The following KIF17 variants were observed in gnomAD, a reference collection of about 807,000 sequenced individuals.
KIF17 encodes the protein kinesin family member 17.
A neutral mutation model predicts 96.8 loss-of-function variants in KIF17; 80 were observed. The observed-to-expected ratio is 0.83, with a 90% CI of 0.69 to 1.00. KIF17 has a LOEUF of 1.00. KIF17 is among the 50% of genes least tolerant of loss of function. The probability of loss-of-function intolerance (pLI) is 0.00; values close to 1 mark genes in which losing one functional copy is unlikely to be tolerated. For synonymous variants in KIF17, 567 were observed against 587.5 expected (o/e 0.97, Z 0.51); for missense variants, 1,280 against 1,372.9 (o/e 0.93, Z 1.07).
intron 11 of KIF17, among the ~76,000 whole-genome samples, chr1:20,676,857 A>G (rs902859088): frequency 3.9e-5 from 6 of 151,980 alleles, no homozygotes; most frequent in Admixed American, 3.9e-4. Context: ...ATAAACAACA[A>G]CAACAACAAC....
At chr1:20,673,797 T>C (rs1395030654) in intron 11 of KIF17, among the ~76,000 whole-genome samples, 1 of 152,002 alleles carries the variant, frequency 6.6e-6, no homozygotes, top group South Asian at 2.1e-4. Flanking sequence ...TCCCAAAGTG[T>C]TGGGATTACA....
chr1:20,698,826 A>C (rs1240679438), intron 5 of KIF17, among the ~76,000 whole-genome samples: 1 of 152,170 alleles, frequency 6.6e-6, no homozygotes, highest in Non-Finnish European at 1.5e-5. Context: ...GCCCTGCCTA[A>C]GCACCTCCCA....
intron 14 of KIF17, among the ~76,000 whole-genome samples, chr1:20,665,394 A>AT (rs33986427): frequency 0.11 from 8,836 of 80,860 alleles, 896 homozygotes; most frequent in Non-Finnish European, 0.13. Flanking sequence ...TACCCAGCTA[A>AT]TTTTTTTTTT....
At chr1:20,694,866 C>T (rs1410615989) in intron 6 of KIF17, among the ~76,000 whole-genome samples, 1 of 152,188 alleles carries the variant, frequency 6.6e-6, no homozygotes, top group Non-Finnish European at 1.5e-5. Flanking sequence ...AGCTGGCATC[C>T]CAGGGCCCAT....
chr1:20,663,726 C>G (rs907593130), downstream of KIF17, among the ~76,000 whole-genome samples: 4 of 152,220 alleles, frequency 2.6e-5, no homozygotes, highest in Admixed American at 6.5e-5. Context: ...CCCAGCACAG[C>G]CCCCAGGACT....
chr1:20,703,393 G>T (rs140472618), intron 5 of KIF17, among the ~76,000 whole-genome samples: 36 of 152,070 alleles, frequency 2.4e-4, no homozygotes, highest in African/African-American at 8.4e-4. Flanking sequence ...TGGATGGGTG[G>T]GTGGGTGGCT....
Position 20,682,897 on chromosome 1 carries a change from A to G in KIF17, c.2232-13T>C. The G allele has an allele frequency of 6.2e-7, 1 of 1,605,164 alleles. No homozygotes were observed. Among genetic ancestry groups the G allele is most frequent in the Non-Finnish European group, 8.5e-7 (1 of 1,177,474 alleles). ...CAACAGCTGCAGACTGCCGGCGTGG[A>G]GGAGAAAGCAAACAAGACAATATCT... On this transcript the variant is annotated splice_polypyrimidine_tract_variant and intron_variant, in intron 10 of 14. Coordinates refer to ENST00000400463, the MANE Select transcript of KIF17 (RefSeq NM_001122819.3).
rs1177002977 is a variant in KIF17 at position 20,682,392 on chromosome 1, T to C, written c.2463+261A>G. ...TTAATAAAGTAGCCAGGTGTGGTGGTGCACATCTGTAGTCTCAGCTACTCG... is the reference window on the plus strand; with the variant it reads ...TTAATAAAGTAGCCAGGTGTGGTGGCGCACATCTGTAGTCTCAGCTACTCG... On this transcript the variant is annotated intron_variant, in intron 11 of 14. Coordinates refer to ENST00000400463, the MANE Select transcript of KIF17 (RefSeq NM_001122819.3). 4.6e-5 allele frequency among the ~76,000 whole-genome samples: 7 copies of C among 152,160 alleles called. No homozygotes were observed. The East Asian group carries it at 1.3e-3, about 29-fold the overall frequency.
intron 5 of KIF17, among the ~76,000 whole-genome samples, chr1:20,703,157 A>ATGG (rs2054267572): frequency 7.3e-6 from 1 of 137,772 alleles, no homozygotes; most frequent in Non-Finnish European, 1.6e-5. Flanking sequence ...AGATAGAAGG[A>ATGG]AGGATGGAGA....
At chr1:20,715,029 G>A (rs751193021) in intron 2 of KIF17, among the ~76,000 whole-genome samples, 2 of 152,282 alleles carry the variant, frequency 1.3e-5, no homozygotes, top group South Asian at 2.1e-4. Context: ...CCTGGATGCC[G>A]GGATGAATTC....
In KIF17 at chr1:20,687,589, C is replaced by T. The variant is rs754641038; in HGVS notation, c.1737G>A (p.Glu579=). The T allele has an allele frequency of 1.2e-6, 2 of 1,614,072 alleles. No homozygotes were observed. The highest frequency in any genetic ancestry group is 4.5e-5 in the East Asian group (2 of 44,874). Residue 579 remains glutamate, a synonymous_variant, in exon 8 of 15, where the codon GAG becomes GAA. Coordinates refer to ENST00000400463, the MANE Select transcript of KIF17 (RefSeq NM_001122819.3). The surrounding 1 kb of genome is among the most constrained non-coding windows in gnomAD (Gnocchi z 4.4). ...EESRSRYFLD[E]CLGQEAAGHL... ...GCCCAGCGGCCTCCTGCCCGAGGCACTCATCCAGGAAGTATCTGCTCCTGG... is the reference window on the plus strand; with the variant it reads ...GCCCAGCGGCCTCCTGCCCGAGGCATTCATCCAGGAAGTATCTGCTCCTGG...
rs2054209937 is a variant in KIF17, at chr1:20,700,246, A to G, written c.1124-1758T>C. ...CCACTACGCCTGGCTAATATTTTCT[A>G]TTTTAGTAGAGATGGGGTTTCACTA... is the stretch of plus-strand genomic sequence containing the variant. On this transcript the variant is annotated intron_variant, in intron 5 of 14. Coordinates refer to ENST00000400463, the MANE Select transcript of KIF17 (RefSeq NM_001122819.3). The surrounding 1 kb of genome is among the most constrained non-coding windows in gnomAD (Gnocchi z 4.6). Among the ~76,000 whole-genome samples the G allele has an allele frequency of 6.6e-6, 1 of 151,820 alleles. No homozygotes were observed. The highest frequency in any genetic ancestry group is 2.1e-4 in the South Asian group (1 of 4,826).
chr1:20,715,064 T>C (rs1431695229), intron 2 of KIF17, among the ~76,000 whole-genome samples: 2 of 152,196 alleles, frequency 1.3e-5, no homozygotes, highest in Admixed American at 6.5e-5. Flanking sequence ...ACTTGGCCAA[T>C]AAAGGCTCAG....
intron 3 of KIF17, among the ~76,000 whole-genome samples, chr1:20,711,244 C>T (rs907949004): frequency 2.6e-5 from 4 of 152,150 alleles, no homozygotes; most frequent in East Asian, 3.9e-4. Flanking sequence ...GTCGCCATCT[C>T]GGGCCTGAGC....
At chr1:20,716,241 CAAAAA>C (rs71585780) in intron 1 of KIF17, among the ~76,000 whole-genome samples, 7 of 111,760 alleles carry the variant, frequency 6.3e-5, no homozygotes, top group East Asian at 3.6e-4. Context: ...GACTCCGTCT[CAAAAA>C]AAAAAAAAAA....
In KIF17 at chr1:20,690,351, G is replaced by GA; in HGVS notation, c.1234-17_1234-16insT. On this transcript the variant is annotated splice_polypyrimidine_tract_variant and intron_variant, in intron 6 of 14. Coordinates refer to ENST00000400463, the MANE Select transcript of KIF17 (RefSeq NM_001122819.3). ...CTTCATACTCCTGGGGGGGTGGGAG[G>GA]GACCAGAGGGCAGGCAGCATTTTAT... 3.7e-6 allele frequency: 2 copies of GA among 543,630 alleles called. No homozygotes were observed. The highest frequency in any genetic ancestry group is 7.2e-6 in the Non-Finnish European group (2 of 276,240). The allele number at this position is 543,630 out of a possible 1,614,324, so 33.7% of individuals were successfully genotyped here.
chr1:20,682,713 G>A lies in KIF17; in HGVS notation c.2403C>T (p.Tyr801=), dbSNP rs147429225. 7.1e-5 allele frequency: 115 copies of A among 1,613,826 alleles called. No homozygotes were observed. In the East Asian group the frequency reaches 1.9e-3, roughly 27 times the overall value. Residue 801 remains tyrosine (Y), a synonymous_variant, in exon 11 of 15, where the codon TAC becomes TAT. Coordinates refer to ENST00000400463, the MANE Select transcript of KIF17 (RefSeq NM_001122819.3). ...CCCGCACTTCCTCCTGGATGGAGTC[G>A]TAGACGTTAAGCAGCACCCAGTCCC... ...DSGDWVLLNV[Y]DSIQEEVRAK...
chr1:20,714,093 C>T (rs1296340010), intron 2 of KIF17, among the ~76,000 whole-genome samples: 4 of 152,036 alleles, frequency 2.6e-5, no homozygotes, highest in Non-Finnish European at 5.9e-5. Flanking sequence ...TTTGGGAGGC[C>T]AAGGCAGGCA....
intron 5 of KIF17, among the ~76,000 whole-genome samples, chr1:20,703,192 T>TGAATGGAC (rs1182602486): frequency 2.7e-5 from 4 of 150,372 alleles, no homozygotes; most frequent in Admixed American, 1.3e-4. Flanking sequence ...GATGGACGGA[T>TGAATGGAC]GGATGGGAGA....
Sources: gnomAD v4.1 joint callset for allele counts (sites outside exome capture counted in the v4.1 genomes callset) on GRCh38, gnomAD v4.1.1 for gene constraint, Gnocchi (gnomAD v3.1) non-coding constraint, MANE v1.5 for transcripts, NCBI Gene and HGNC (gene_info 2026-07-23, HGNC 2026-07-21) for gene names.